Variants in UBA5 observed in about 807,000 individuals in gnomAD.
UBA5 encodes ubiquitin-like modifier-activating enzyme 5.
A neutral mutation model predicts 52.9 loss-of-function variants in UBA5; 28 were observed. The ratio of observed to expected loss-of-function variants is 0.53; its 90% CI spans 0.39 to 0.73. The LOEUF is 0.73. Ranked by LOEUF, UBA5 falls within the 30% of genes least tolerant of loss-of-function variation. The pLI is 0.00. For missense variants in UBA5, 388 were observed against 492.7 expected, an observed-to-expected ratio of 0.79 and a Z score of 2.01; for synonymous variants, 135 against 162.1, an observed-to-expected ratio of 0.83 and a Z score of 1.27.
upstream of UBA5, chr3:132,659,406 T>C (rs866466314): frequency 5.6e-5 from 36 of 646,384 alleles, 1 homozygote; most frequent in Middle Eastern, 1.5e-3. Flanking sequence ...GCGCTTCCAT[T>C]ACCGCCCTCC....
chr3:132,656,581 C>T (rs937587129), upstream of UBA5, among the ~76,000 whole-genome samples: 2 of 151,696 alleles, frequency 1.3e-5, no homozygotes, highest in Non-Finnish European at 2.9e-5. Context: ...AAAGCCTCTG[C>T]CTCCCAGGTT....
Sources: gnomAD v4.1 joint callset for allele counts (sites outside exome capture counted in the v4.1 genomes callset) on GRCh38, gnomAD v4.1.1 for gene constraint, MANE v1.5 for transcripts, NCBI Gene and HGNC (gene_info 2026-07-23, HGNC 2026-07-21) for gene names.